Variants in THSD7A observed in about 807,000 individuals in gnomAD.
The protein encoded by THSD7A is thrombospondin type-1 domain-containing protein 7A.
In THSD7A, 96 loss-of-function variants were observed where a neutral mutation model predicts 231.3. The ratio of observed to expected loss-of-function variants is 0.41; its 90% confidence interval spans 0.35 to 0.49. THSD7A has a LOEUF of 0.49. Among genes scored for constraint, THSD7A ranks in the 20% least tolerant of loss-of-function variants. The pLI is 0.05. For missense variants in THSD7A, 2,290 were observed against 2,070.2 expected (o/e 1.11, Z -2.06); for synonymous variants, 940 against 743.3 (o/e 1.26, Z -4.30).
intron 1 of THSD7A, among the ~76,000 whole-genome samples, chr7:11,679,463 C>G (rs972800835): frequency 1.3e-5 from 2 of 152,118 alleles, no homozygotes; most frequent in African/African-American, 2.4e-5. Context: ...TTGTCTCAGC[C>G]TAAAATCTTT....
chr7:11,651,621 G>C (rs568528582), intron 1 of THSD7A, among the ~76,000 whole-genome samples: 1 of 151,702 alleles, frequency 6.6e-6, no homozygotes, highest in Non-Finnish European at 1.5e-5. Context: ...TTACCTCAAG[G>C]TTCTAAGGAG....
At chr7:11,798,330 G>A (rs559043860) in intron 1 of THSD7A, among the ~76,000 whole-genome samples, 2 of 152,036 alleles carry the variant, frequency 1.3e-5, no homozygotes, top group African/African-American at 4.8e-5. Flanking sequence ...AAATACCCAG[G>A]CATGGTGGTA....
At chr7:11,579,865 C>T (rs557387763) in intron 4 of THSD7A, among the ~76,000 whole-genome samples, 4 of 152,244 alleles carry the variant, frequency 2.6e-5, no homozygotes, top group African/African-American at 4.8e-5. Context: ...AGAAACAATG[C>T]ATGTGTTTCT....
intron 2 of THSD7A, among the ~76,000 whole-genome samples, chr7:11,626,173 C>T (rs1421689977): frequency 6.6e-6 from 1 of 152,008 alleles, no homozygotes; most frequent in South Asian, 2.1e-4. Context: ...TTTAATTTTC[C>T]TCACTTAAAA....
At chr7:11,508,579 T>C (rs1779300029) in intron 6 of THSD7A, among the ~76,000 whole-genome samples, 1 of 152,234 alleles carries the variant, frequency 6.6e-6, no homozygotes, top group Non-Finnish European at 1.5e-5. Context: ...CATGATGCTG[T>C]AACCCCATTT....
chr7:11,417,713 A>C, intron 16 of THSD7A, 110 bp from the exon 17 acceptor site: 1 of 1,098,730 alleles, frequency 9.1e-7, no homozygotes, highest in Non-Finnish European at 1.3e-6. Flanking sequence ...TCCTTAAGAC[A>C]TCGTTATGGG....
chr7:11,572,053 A>G (rs778474023), intron 4 of THSD7A, among the ~76,000 whole-genome samples: 19 of 152,104 alleles, frequency 1.2e-4, no homozygotes, highest in Non-Finnish European at 2.1e-4. Flanking sequence ...ATTAGACACC[A>G]TGACACTATT....
intron 6 of THSD7A, among the ~76,000 whole-genome samples, chr7:11,514,091 G>T (rs1277959792): frequency 6.6e-6 from 1 of 151,882 alleles, no homozygotes; most frequent in African/African-American, 2.4e-5. Context: ...TTGCCTTTAA[G>T]AGTTATTCAC....
Position 11,781,127 on chromosome 7 carries a change from A to C in THSD7A, c.190+50630T>G, listed in dbSNP as rs1396512126. Among the ~76,000 whole-genome samples the C allele has an allele frequency of 2.5e-4, 38 of 151,554 alleles. 1 individual carries two copies. On this transcript the variant is annotated intron_variant, in intron 1 of 27. Coordinates refer to ENST00000423059, the MANE Select transcript of THSD7A (RefSeq NM_015204.3). Reference sequence around the variant, plus strand: ...GAGCCAATAGAAGTATATGCTGTGCAAAACACTTCACAAAGTCAGGAGATA... The same window carrying C: ...GAGCCAATAGAAGTATATGCTGTGCCAAACACTTCACAAAGTCAGGAGATA...
At chr7:11,711,356 G>C (rs2128148858) in intron 1 of THSD7A, among the ~76,000 whole-genome samples, 1 of 150,986 alleles carries the variant, frequency 6.6e-6, no homozygotes, top group East Asian at 2.0e-4. Flanking sequence ...CCGATTATTT[G>C]TTGTGTCAAT....
At chr7:11,476,766 G>A (rs937517839) in intron 7 of THSD7A, among the ~76,000 whole-genome samples, 6 of 147,614 alleles carry the variant, frequency 4.1e-5, no homozygotes, top group African/African-American at 1.5e-4. Context: ...AGTGAGCCAA[G>A]ATCGGGCCAC....
At chr7:11,463,593 GT>G (rs1554314384) in intron 9 of THSD7A, among the ~76,000 whole-genome samples, 1 of 152,112 alleles carries the variant, frequency 6.6e-6, no homozygotes, top group Non-Finnish European at 1.5e-5. Flanking sequence ...GTTGTGGGGT[GT>G]CGTCTGTACT....
In THSD7A at chr7:11,375,961, G is replaced by A. The variant is rs547082038; in HGVS notation, c.4890-83C>T. Reference sequence around the variant, plus strand: ...TGCTTTAAGCGAAAAAAAAGTAAAAGCAAATTGATAAACTGAAATTGCCTC... The same window carrying A: ...TGCTTTAAGCGAAAAAAAAGTAAAAACAAATTGATAAACTGAAATTGCCTC... On this transcript the variant is annotated intron_variant, in intron 27 of 27. Transcript: ENST00000423059. 80 of 1,325,224 alleles carry A rather than the reference G, an allele frequency of 6.0e-5. 2 individuals are homozygous for A. The South Asian group carries it at 8.4e-4, about 14-fold the overall frequency. 82.1% of individuals were successfully genotyped at this position (1,325,224 alleles called of 1,614,324 possible).
chr7:11,756,343 G>A (rs1177037231), intron 1 of THSD7A, among the ~76,000 whole-genome samples: 1 of 152,102 alleles, frequency 6.6e-6, no homozygotes, highest in Non-Finnish European at 1.5e-5. Context: ...GAAAAGTCAG[G>A]CGTGATAAGC....
Position 11,820,672 on chromosome 7 carries a change from G to A in THSD7A, c.190+11085C>T, listed in dbSNP as rs10228612. 4,569 of 828,504 alleles carry A rather than the reference G, an allele frequency of 5.5e-3. 157 individuals are homozygous for A. The African/African-American group carries it at 0.069, about 13-fold the overall frequency. 51.3% of individuals were successfully genotyped at this position (828,504 alleles called of 1,614,324 possible). On this transcript the variant is annotated intron_variant, in intron 1 of 27. Transcript: ENST00000423059. ...CTCCTCTTTCACTTGGACCCACAAA[G>A]ACTTTAGTCCCCAGTCTCGATGTCT...
Position 11,417,486 on chromosome 7 carries a change from C to T in THSD7A, c.3501G>A (p.Val1167=). Residue 1167 remains valine, a synonymous_variant, in exon 17 of 28, where the codon GTG becomes GTA. Transcript: ENST00000423059. ...GGGTCCATGGACCCCATTCAGATAT[C>T]ACACAGTCCTCAGGGCATGGTAATT... The part of the protein sequence containing the change: ...VCKLPCPEDC[V]ISEWGPWTQC... The T allele has an allele frequency of 1.9e-6, 3 of 1,611,942 alleles. No homozygotes were observed. Among genetic ancestry groups the T allele is most frequent in the Non-Finnish European group, 2.5e-6 (3 of 1,179,304 alleles).
chr7:11,442,310 A>C (rs1051342291), intron 13 of THSD7A, among the ~76,000 whole-genome samples: 9 of 152,064 alleles, frequency 5.9e-5, no homozygotes, highest in African/African-American at 2.2e-4. Flanking sequence ...AAAGTGACCT[A>C]GTGGGAAACA....
Position 11,655,834 on chromosome 7 carries a change from G to C in THSD7A, c.191-18873C>G, listed in dbSNP as rs527276194. On this transcript the variant is annotated intron_variant, in intron 1 of 27. Coordinates refer to ENST00000423059, the MANE Select transcript of THSD7A (RefSeq NM_015204.3). Reference sequence around the variant, plus strand: ...AATTCCTTGATTTACACTGTGCTGTGTAGTAAATTTACTTGCCATGGTCAT... The same window carrying C: ...AATTCCTTGATTTACACTGTGCTGTCTAGTAAATTTACTTGCCATGGTCAT... Among the ~76,000 whole-genome samples, 410 of 151,956 alleles carry C rather than the reference G, an allele frequency of 2.7e-3. 2 individuals are homozygous for C. Among genetic ancestry groups the C allele is most frequent in the Non-Finnish European group, 5.1e-3 (348 of 67,876 alleles).
At position 11,386,730 on chromosome 7, in the gene THSD7A, C is replaced by T. The variant is rs529973143; in HGVS notation, c.4412-4114G>A. 4.6e-5 allele frequency among the ~76,000 whole-genome samples: 7 copies of T among 152,286 alleles called. No homozygotes were observed. The South Asian group carries it at 1.4e-3, about 32-fold the overall frequency. On this transcript the variant is annotated intron_variant, in intron 23 of 27. Coordinates refer to ENST00000423059, the MANE Select transcript of THSD7A (RefSeq NM_015204.3). ...TTTAGTTTAATTAGATCCCATTTGT[C>T]AATTTTGGCTTTTGTGCCCATTGCT...
Sources: allele counts gnomAD v4.1 joint callset (sites outside exome capture counted in the v4.1 genomes callset), GRCh38; gene constraint gnomAD v4.1.1; transcripts MANE v1.5; gene names NCBI Gene and HGNC (gene_info 2026-07-23, HGNC 2026-07-21).